The following LINGO2 variants were observed in gnomAD, a reference collection of about 807,000 sequenced individuals.
The protein encoded by LINGO2 is leucine rich repeat and Ig domain containing 2.
In LINGO2, 14 loss-of-function variants were observed where a neutral mutation model predicts 30.6. The ratio of observed to expected loss-of-function variants is 0.46; its 90% confidence interval spans 0.30 to 0.72. LINGO2 has a LOEUF of 0.72. Among genes scored for constraint, LINGO2 ranks in the 30% least tolerant of loss-of-function variants. The pLI is 0.07. For missense variants in LINGO2, 729 were observed against 751.7 expected (o/e 0.97, Z 0.35); for synonymous variants, 317 against 288.5 (o/e 1.10, Z -1.00).
chr9:28,754,653 T>TG, the LINGO2 span, among the ~76,000 whole-genome samples: 32 of 151,108 alleles, frequency 2.1e-4, no homozygotes, highest in African/African-American at 7.8e-4. Context: ...TTTTTTGAGA[T>TG]GGAGTCTCGC....
intron 4 of LINGO2, among the ~76,000 whole-genome samples, chr9:28,155,212 A>G (rs1405376257): frequency 6.6e-6 from 1 of 152,220 alleles, no homozygotes; most frequent in Non-Finnish European, 1.5e-5. Context: ...TTATGCTTAG[A>G]CTTCCAGCAA....
At chr9:28,521,707 G>A (rs1820834991) in intron 1 of LINGO2, among the ~76,000 whole-genome samples, 1 of 152,188 alleles carries the variant, frequency 6.6e-6, no homozygotes, top group Non-Finnish European at 1.5e-5. Flanking sequence ...TGTTCACCAA[G>A]AACCTGGGAA....
intron 5 of LINGO2, among the ~76,000 whole-genome samples, chr9:27,989,959 G>A (rs1350679149): frequency 6.6e-6 from 1 of 151,994 alleles, no homozygotes; most frequent in East Asian, 1.9e-4. Context: ...AGAGAAGAGA[G>A]GAGGAATGAG....
the LINGO2 span, among the ~76,000 whole-genome samples, chr9:28,856,098 G>GC: frequency 6.6e-6 from 1 of 152,116 alleles, no homozygotes; most frequent in African/African-American, 2.4e-5. Context: ...GCAAAAGTGG[G>GC]CCAAATTACA....
the LINGO2 span, among the ~76,000 whole-genome samples, chr9:29,170,331 A>G: frequency 3.5e-3 from 533 of 152,294 alleles, 1 homozygote; most frequent in African/African-American, 0.012. Flanking sequence ...CATTATCCTA[A>G]GTGAAATGAC....
chr9:27,946,784 A>C (rs1001434230), downstream of LINGO2, among the ~76,000 whole-genome samples: 9 of 152,176 alleles, frequency 5.9e-5, no homozygotes, highest in Non-Finnish European at 8.8e-5. Flanking sequence ...TATGATAGTC[A>C]TCAGAAAAGT....
At chr9:28,083,904 G>T (rs1222651947) in intron 4 of LINGO2, among the ~76,000 whole-genome samples, 1 of 152,122 alleles carries the variant, frequency 6.6e-6, no homozygotes, top group Admixed American at 6.6e-5. Context: ...TATGTGTTGA[G>T]AAATTCAAAT....
chr9:29,120,275 A>G, the LINGO2 span, among the ~76,000 whole-genome samples: 2 of 152,226 alleles, frequency 1.3e-5, no homozygotes, highest in Non-Finnish European at 2.9e-5. Flanking sequence ...GAATAACTAT[A>G]TGAAACTACA....
chr9:29,132,426 G>A, the LINGO2 span, among the ~76,000 whole-genome samples: 1 of 152,128 alleles, frequency 6.6e-6, no homozygotes, highest in African/African-American at 2.4e-5. Flanking sequence ...TGCATAGGGT[G>A]TAACTTTGTA....
the LINGO2 span, among the ~76,000 whole-genome samples, chr9:29,176,467 C>T: frequency 6.6e-6 from 1 of 152,224 alleles, no homozygotes; most frequent in African/African-American, 2.4e-5. Context: ...CTGTCCCCTA[C>T]ACATGCACAC....
chr9:28,249,069 A>G (rs1003851888), intron 4 of LINGO2, among the ~76,000 whole-genome samples: 5 of 152,130 alleles, frequency 3.3e-5, no homozygotes, highest in African/African-American at 1.2e-4. Context: ...GTAGAGTCCT[A>G]TATTTACTTA....
chr9:28,921,030 T>C, the LINGO2 span, among the ~76,000 whole-genome samples: 1 of 152,044 alleles, frequency 6.6e-6, no homozygotes, highest in Non-Finnish European at 1.5e-5. Context: ...TAAGCAATGA[T>C]AGAAAATGGA....
intron 2 of LINGO2, among the ~76,000 whole-genome samples, chr9:28,439,005 A>T (rs979173187): frequency 1.4e-5 from 2 of 147,434 alleles, no homozygotes; most frequent in Non-Finnish European, 3.0e-5. Flanking sequence ...TATACATTAT[A>T]TATAATGAAA....
intron 4 of LINGO2, among the ~76,000 whole-genome samples, chr9:28,086,800 C>A (rs2133242759): frequency 6.6e-6 from 1 of 152,140 alleles, no homozygotes; most frequent in East Asian, 1.9e-4. Flanking sequence ...TCACGTCATC[C>A]ATCTCAAGGC....
the LINGO2 span, among the ~76,000 whole-genome samples, chr9:29,069,815 T>C: frequency 1.3e-5 from 2 of 152,072 alleles, no homozygotes; most frequent in Non-Finnish European, 2.9e-5. Context: ...TATTTTCAGT[T>C]ATAAGATTTT....
At chr9:28,693,383 C>T in the LINGO2 span, among the ~76,000 whole-genome samples, 1 of 152,128 alleles carries the variant, frequency 6.6e-6, no homozygotes, top group Non-Finnish European at 1.5e-5. Context: ...AATCATTAAA[C>T]ATTTATTGCA....
chr9:28,827,858 T>C, the LINGO2 span, among the ~76,000 whole-genome samples: 3 of 152,114 alleles, frequency 2.0e-5, no homozygotes, highest in Non-Finnish European at 2.9e-5. Context: ...ATAACACTGA[T>C]GTGAACCAAG....
chr9:28,949,068 T>G, the LINGO2 span, among the ~76,000 whole-genome samples: 1 of 151,970 alleles, frequency 6.6e-6, no homozygotes, highest in East Asian at 1.9e-4. Context: ...AAGAAATTCG[T>G]GTTTTTAAGT....
chr9:28,843,298 G>C, the LINGO2 span, among the ~76,000 whole-genome samples: 3 of 151,546 alleles, frequency 2.0e-5, no homozygotes, highest in South Asian at 6.2e-4. Context: ...AAAGAGTAAA[G>C]GCTATATTTT....
Sources: allele counts gnomAD v4.1 joint callset (sites outside exome capture counted in the v4.1 genomes callset), GRCh38; gene constraint gnomAD v4.1.1; transcripts MANE v1.5; gene names NCBI Gene and HGNC (gene_info 2026-07-23, HGNC 2026-07-21).